Variants in PDE1C observed in about 807,000 individuals in gnomAD.
PDE1C encodes the protein dual specificity calcium/calmodulin-dependent 3',5'-cyclic nucleotide phosphodiesterase 1C.
PDE1C carries 62 observed loss-of-function variants against 93.1 expected under a neutral mutation model. That is an observed-to-expected ratio of 0.67 (90% CI 0.54 to 0.82). The LOEUF (loss-of-function observed/expected upper bound fraction) is 0.82. PDE1C is among the 40% of genes least tolerant of loss of function. The pLI, the probability that PDE1C is intolerant of heterozygous loss-of-function variation, is 0.00. For synonymous variants in PDE1C, 325 were observed against 310.1 expected, an observed-to-expected ratio of 1.05 and a Z score of -0.50; for missense variants, 742 against 884.6, an observed-to-expected ratio of 0.84 and a Z score of 2.04.
At chr7:31,688,751 T>A in the PDE1C span, among the ~76,000 whole-genome samples, 17 of 152,352 alleles carry the variant, frequency 1.1e-4, no homozygotes, top group East Asian at 3.1e-3. Context: ...GAGTTTAAAA[T>A]CTGAAATCCT....
At chr7:32,214,965 G>C (rs896242729) in intron 1 of PDE1C, among the ~76,000 whole-genome samples, 5 of 152,064 alleles carry the variant, frequency 3.3e-5, no homozygotes, top group African/African-American at 1.2e-4. Flanking sequence ...TGATCAGCTA[G>C]GGAAGTGACT....
chr7:32,405,516 G>C (rs1283178455), intron 1 of PDE1C, among the ~76,000 whole-genome samples: 1 of 152,088 alleles, frequency 6.6e-6, no homozygotes, highest in Non-Finnish European at 1.5e-5. Flanking sequence ...CTCAGTGCTG[G>C]GATTACAGGT....
At chr7:31,624,222 A>G in the PDE1C span, among the ~76,000 whole-genome samples, 21 of 147,154 alleles carry the variant, frequency 1.4e-4, no homozygotes, top group African/African-American at 2.2e-4. Context: ...ATTCAATGCC[A>G]TCCCCATCAA....
intron 1 of PDE1C, among the ~76,000 whole-genome samples, chr7:32,315,335 A>T (rs1215387571): frequency 2.0e-5 from 3 of 151,964 alleles, no homozygotes; most frequent in African/African-American, 7.3e-5. Flanking sequence ...CTTAAAAAAT[A>T]TTTAAATTGT....
At chr7:32,404,702 C>A (rs1351634469) in intron 1 of PDE1C, among the ~76,000 whole-genome samples, 9 of 152,066 alleles carry the variant, frequency 5.9e-5, no homozygotes, top group Non-Finnish European at 1.3e-4. Context: ...AATCTTCGTG[C>A]CCATGTCTCT....
At chr7:32,330,405 T>C (rs1386004806) in intron 1 of PDE1C, among the ~76,000 whole-genome samples, 1 of 152,198 alleles carries the variant, frequency 6.6e-6, no homozygotes, top group Admixed American at 6.5e-5. Context: ...GGATCTAAAA[T>C]TGCTGGTGAG....
chr7:31,648,663 CACT>C, the PDE1C span, among the ~76,000 whole-genome samples: 1 of 152,154 alleles, frequency 6.6e-6, no homozygotes, highest in Non-Finnish European at 1.5e-5. Flanking sequence ...CCTATTTGAG[CACT>C]ACACTTCCAT....
intron 1 of PDE1C, among the ~76,000 whole-genome samples, chr7:32,277,831 A>C (rs1466376142): frequency 1.3e-5 from 2 of 152,216 alleles, no homozygotes; most frequent in African/African-American, 4.8e-5. Flanking sequence ...TGATGGTAGC[A>C]CAACACATTT....
At chr7:31,692,475 C>G in the PDE1C span, 190,491 of 1,609,386 alleles carry the variant, frequency 0.12, 12,327 homozygotes, top group East Asian at 0.25. Context: ...GCCACTGGAA[C>G]TCTCAGAAGA....
intron 2 of PDE1C, among the ~76,000 whole-genome samples, chr7:32,192,489 C>T (rs1031775009): frequency 6.6e-6 from 1 of 152,136 alleles, no homozygotes; most frequent in African/African-American, 2.4e-5. Context: ...TGTCAAAAAT[C>T]AGTTCAGCAT....
chr7:32,304,992 T>A (rs1812963638), intron 1 of PDE1C, among the ~76,000 whole-genome samples: 1 of 152,160 alleles, frequency 6.6e-6, no homozygotes, highest in African/African-American at 2.4e-5. Context: ...GGGTTAGAGC[T>A]CACTCAACCC....
chr7:31,893,494 A>T (rs1385565635), intron 2 of PDE1C: 3 of 984,588 alleles, frequency 3.0e-6, no homozygotes, highest in African/African-American at 1.7e-5. Context: ...GTCCCATCTC[A>T]CTTGCCAGCA....
chr7:32,370,054 C>T (rs1263878305), intron 1 of PDE1C, among the ~76,000 whole-genome samples: 1 of 152,140 alleles, frequency 6.6e-6, no homozygotes, highest in Non-Finnish European at 1.5e-5. Flanking sequence ...TGGCATTATT[C>T]ACAGTAGCAA....
At chr7:32,307,510 A>G (rs1370338221) in intron 1 of PDE1C, among the ~76,000 whole-genome samples, 1 of 152,140 alleles carries the variant, frequency 6.6e-6, no homozygotes, top group African/African-American at 2.4e-5. Flanking sequence ...TAGGAAAGAA[A>G]AGAAGGTTTG....
intron 2 of PDE1C, among the ~76,000 whole-genome samples, chr7:32,180,704 C>T (rs1475810820): frequency 6.6e-6 from 1 of 152,214 alleles, no homozygotes; most frequent in African/African-American, 2.4e-5. Context: ...TATAGCAACA[C>T]AAATGGCGTA....
chr7:31,999,145 T>C (rs1785140124), intron 2 of PDE1C, among the ~76,000 whole-genome samples: 1 of 152,140 alleles, frequency 6.6e-6, no homozygotes, highest in Non-Finnish European at 1.5e-5. Context: ...CCGGGCACTG[T>C]GCTAGGCATG....
chr7:31,908,612 A>G (rs1180869093), intron 2 of PDE1C, among the ~76,000 whole-genome samples: 1 of 152,230 alleles, frequency 6.6e-6, no homozygotes, highest in Non-Finnish European at 1.5e-5. Context: ...TTTAGTCCAC[A>G]AAACACAGAT....
In PDE1C at chr7:32,098,086, C is replaced by T. The variant is rs1412412948; in HGVS notation, c.308+71699G>A. Among the ~76,000 whole-genome samples the T allele has an allele frequency of 4.0e-5, 6 of 148,908 alleles. No individual in the cohort carries two copies. In the East Asian group the frequency reaches 5.8e-4, roughly 14 times the overall value. ...TCTACTAAAAATACAAAAAATTAGC[C>T]GGGCGTGGTGGCGGGCGCCTGTAGT... On this transcript the variant is annotated intron_variant, in intron 3 of 18. Transcript: ENST00000396193.
At chr7:31,791,240 T>C (rs1385385563) in intron 16 of PDE1C, among the ~76,000 whole-genome samples, 1 of 152,136 alleles carries the variant, frequency 6.6e-6, no homozygotes, top group Non-Finnish European at 1.5e-5. Context: ...GGGCCATTGA[T>C]CCAAGCTTCC....
Sources: gnomAD v4.1 joint callset for allele counts (sites outside exome capture counted in the v4.1 genomes callset) on GRCh38, gnomAD v4.1.1 for gene constraint, MANE v1.5 for transcripts, NCBI Gene and HGNC (gene_info 2026-07-23, HGNC 2026-07-21) for gene names.